TTLL3: variants seen among roughly 807,000 people sequenced by gnomAD.
TTLL3 encodes the protein tubulin tyrosine ligase like 3, also known as tubulin monoglycylase TTLL3.
Under a neutral mutation model 75.2 loss-of-function variants are expected in TTLL3, and 63 were observed. That is an observed-to-expected ratio of 0.84 (90% CI 0.68 to 1.03). The LOEUF is 1.03. TTLL3 is among the 50% of genes least tolerant of loss of function. The pLI is 0.00. For synonymous variants in TTLL3, 393 were observed against 418.5 expected, an observed-to-expected ratio of 0.94 and a Z score of 0.74; for missense variants, 997 against 1,069.9, an observed-to-expected ratio of 0.93 and a Z score of 0.95.
At position 9,812,918 on chromosome 3, in the gene TTLL3, G is replaced by A. The variant is rs1356201772; in HGVS notation, c.49-25G>A. ...TGGCACTTATGCAATACTTATTGAA[G>A]AAGTATCCTTCTCTCACATTGCAGC... On this transcript the variant is annotated intron_variant, in intron 2 of 13. Coordinates refer to ENST00000685419, the MANE Select transcript of TTLL3 (RefSeq NM_001387446.1). The A allele has an allele frequency of 2.0e-6, 3 of 1,478,252 alleles. No individual in the cohort carries two copies. In the South Asian group the frequency reaches 4.5e-5, roughly 22 times the overall value. 91.6% of individuals were successfully genotyped at this position (1,478,252 alleles called of 1,614,324 possible).
At position 9,822,122 on chromosome 3, in the gene TTLL3, G is replaced by A. The variant is rs192182547; in HGVS notation, c.854+1381G>A. ...GTTCTGTTGCCCAGGCTGGAGTGCAGTGACGTGATCTCGGCTCACTGCAAC... is the reference window on the plus strand; with the variant it reads ...GTTCTGTTGCCCAGGCTGGAGTGCAATGACGTGATCTCGGCTCACTGCAAC... On this transcript the variant is annotated intron_variant, in intron 8 of 13. Coordinates refer to ENST00000685419, the MANE Select transcript of TTLL3 (RefSeq NM_001387446.1). 1.9e-3 allele frequency among the ~76,000 whole-genome samples: 252 copies of A among 131,732 alleles called. 7 individuals carry two copies. The highest frequency in any genetic ancestry group is 0.014 in the East Asian group (54 of 3,772). The allele number at this position is 131,732 out of a possible 152,430, so 86.4% of individuals were successfully genotyped here. A position where few individuals can be genotyped will look rare whatever the true frequency, so the allele number is the denominator to read the frequency against.
intron 5 of TTLL3, among the ~76,000 whole-genome samples, chr3:9,817,162 C>T (rs917916100): frequency 1.2e-4 from 19 of 152,230 alleles, no homozygotes; most frequent in Middle Eastern, 6.8e-3. Context: ...CAGTGGCTCA[C>T]GCCTGTAATC....
intron 4 of TTLL3, among the ~76,000 whole-genome samples, chr3:9,814,454 G>A (rs952594127): frequency 3.9e-5 from 6 of 151,902 alleles, no homozygotes; most frequent in Admixed American, 1.3e-4. Context: ...AAGACCAACC[G>A]GGCCAACATG....
intron 7 of TTLL3, chr3:9,820,104 C>T (rs973051111): frequency 1.0e-6 from 1 of 1,000,564 alleles, no homozygotes. Context: ...AGGGTTGTAG[C>T]TCTGTATCAG....
In TTLL3 at chr3:9,813,229, C is replaced by A. The variant is rs11720113; in HGVS notation, c.218-19C>A. ...GTCAGGGAGAGGAAACTCATCAGCT[C>A]TGGGCTCTGCATCCACAGAGGATGA... is the stretch of plus-strand genomic sequence containing the variant. On this transcript the variant is annotated intron_variant, in intron 3 of 13. Coordinates refer to ENST00000685419, the MANE Select transcript of TTLL3 (RefSeq NM_001387446.1). 254,714 of 1,614,024 alleles carry A rather than the reference C, an allele frequency of 0.16. 21,623 individuals are homozygous for A. The highest frequency in any genetic ancestry group is 0.24 in the African/African-American group (17,872 of 75,002).
At chr3:9,816,025 C>T (rs2079824142) in intron 4 of TTLL3, 49 bp from the exon 5 acceptor site, 1 of 1,320,710 alleles carries the variant, frequency 7.6e-7, no homozygotes, top group Non-Finnish European at 1.0e-6. Context: ...GCCTTAGGCC[C>T]TGCTACCCAC....
intron 10 of TTLL3, 136 bp from the exon 11 acceptor site, chr3:9,828,824 C>T: frequency 8.8e-7 from 1 of 1,137,550 alleles, no homozygotes; most frequent in Non-Finnish European, 1.2e-6. Flanking sequence ...CCTTTTTGTC[C>T]TTCCCAGTAG....
rs569714836 is a variant in TTLL3, at chr3:9,835,371, A to G, written c.2330A>G (p.Asp777Gly). 1 of 1,614,080 alleles carries G rather than the reference A, an allele frequency of 6.2e-7. No individual in the cohort carries two copies. Among genetic ancestry groups the G allele is most frequent in the East Asian group, 2.2e-5 (1 of 44,882 alleles). ...CGATTCCCCACTGCCCTTGTCCTGG[A>G]TCCAACACCAAATAAAAAGAAACAA... is the stretch of plus-strand genomic sequence containing the variant. ...LLRFPTALVL[D>G]PTPNKKKQVK... Residue 777 changes from aspartate (D) to glycine (G), a missense_variant, in exon 14 of 14, where the codon GAT (aspartate) becomes GGT (glycine). By Grantham distance (94) the Asp-to-Gly change is moderately conservative (BLOSUM62 -1). Transcript: ENST00000685419.
At position 9,813,860 on chromosome 3, in the gene TTLL3, T is replaced by G. The variant is rs183964329; in HGVS notation, c.315+515T>G. 2.1e-3 allele frequency among the ~76,000 whole-genome samples: 315 copies of G among 152,234 alleles called. 7 individuals are homozygous for G. Among genetic ancestry groups the G allele is most frequent in the East Asian group, 0.014 (70 of 5,172 alleles). On this transcript the variant is annotated intron_variant, in intron 4 of 13. Coordinates refer to ENST00000685419, the MANE Select transcript of TTLL3 (RefSeq NM_001387446.1). ...GGACACAGCAGGGCTGTGTCCCATC[T>G]GGCCTGGGATTCAGAGCTCTGCTAG... is the stretch of plus-strand genomic sequence containing the variant.
chr3:9,814,762 A>C (rs1220550129), intron 4 of TTLL3, among the ~76,000 whole-genome samples: 1 of 151,874 alleles, frequency 6.6e-6, no homozygotes, highest in East Asian at 1.9e-4. Context: ...TGGAGGTTGT[A>C]GTGAGCTGAA....
chr3:9,834,987 G>A (rs1338684235), intron 13 of TTLL3, 80 bp downstream of exon 13: 24 of 1,606,628 alleles, frequency 1.5e-5, no homozygotes, highest in Admixed American at 3.4e-5. Context: ...GCAGAGGGCA[G>A]CTCCCAGGCT....
chr3:9,834,678 C>T lies in TTLL3; in HGVS notation c.1826-3C>T. The T allele has an allele frequency of 4.3e-6, 7 of 1,614,096 alleles. No homozygotes were observed. Among genetic ancestry groups the T allele is most frequent in the Non-Finnish European group, 5.9e-6 (7 of 1,180,014 alleles). On this transcript the variant is annotated splice_polypyrimidine_tract_variant and splice_region_variant and intron_variant, in intron 12 of 13. Transcript: ENST00000685419. ...GGCCTCACAGCTTCTCTTGCTCCCA[C>T]AGCCCGTCACCACTTCCCCAGCCTC...
chr3:9,826,710 G>A (rs1384960047), intron 9 of TTLL3, among the ~76,000 whole-genome samples: 1 of 144,690 alleles, frequency 6.9e-6, no homozygotes, highest in Non-Finnish European at 1.5e-5. Flanking sequence ...TCCAGCCTAG[G>A]TGACAGGGCT....
At position 9,834,926 on chromosome 3, in the gene TTLL3, C is replaced by T. The variant is rs1183325222; in HGVS notation, c.2052+19C>T. 1 of 1,614,108 alleles carries T rather than the reference C, an allele frequency of 6.2e-7. No homozygotes were observed. Among genetic ancestry groups the T allele is most frequent in the African/African-American group, 1.3e-5 (1 of 74,940 alleles). On this transcript the variant is annotated intron_variant, in intron 13 of 13. Transcript: ENST00000685419. Reference sequence around the variant, plus strand: ...AAGAAAGGTGGGCCTCGACCTGTGACTCACACCCAGTGGACAGTGCTGAGC... The same window carrying T: ...AAGAAAGGTGGGCCTCGACCTGTGATTCACACCCAGTGGACAGTGCTGAGC...
Position 9,817,703 on chromosome 3 carries a change from CCTTCTT to C in TTLL3, c.505_510del (p.Phe169_Phe170del). 2 of 1,614,176 alleles carry C rather than the reference CCTTCTT, an allele frequency of 1.2e-6. No individual in the cohort carries two copies. The highest frequency in any genetic ancestry group is 1.7e-6 in the Non-Finnish European group (2 of 1,180,038). ...TGGTTTGATGAGGTTGATGCCAACT[CCTTCTT>C]CCCACGCTGCTACTGCCTGGGGGCT... is the stretch of plus-strand genomic sequence containing the variant. On this transcript the variant is annotated inframe_deletion, in exon 6 of 14. Transcript: ENST00000685419.
chr3:9,809,889 G>A (rs1391435104), upstream of TTLL3: 14 of 665,710 alleles, frequency 2.1e-5, no homozygotes, highest in Non-Finnish European at 2.9e-5. Flanking sequence ...CAAACGGGGC[G>A]GGGCTTGGAA....
Position 9,818,821 on chromosome 3 carries a change from G to C in TTLL3, c.560-1G>C. ...CAGGGTATCCCCTGGCCTGGGAGCA[G>C]AGGACTTCTGGCTGACTGCTGCCCG... On this transcript the variant is annotated splice_acceptor_variant, in intron 6 of 13. Transcript: ENST00000685419. LOFTEE classifies it high-confidence loss of function. 1 of 1,614,138 alleles carries C rather than the reference G, an allele frequency of 6.2e-7. No individual in the cohort carries two copies. The highest frequency in any genetic ancestry group is 8.5e-7 in the Non-Finnish European group (1 of 1,180,032).
intron 7 of TTLL3, 175 bp from the exon 8 acceptor site, chr3:9,820,371 C>T (rs2080296503): frequency 2.0e-6 from 3 of 1,475,304 alleles, no homozygotes; most frequent in Non-Finnish European, 2.7e-6. Flanking sequence ...GCTAGAGTTG[C>T]AGTGAATTTA....
chr3:9,817,279 C>G (rs1399760510), intron 5 of TTLL3: 1 of 191,720 alleles, frequency 5.2e-6, no homozygotes, highest in East Asian at 1.9e-4. Context: ...AACAAATTAG[C>G]TGGATGTGGT....
Sources: gnomAD v4.1 joint callset for allele counts (sites outside exome capture counted in the v4.1 genomes callset) on GRCh38, gnomAD v4.1.1 for gene constraint, MANE v1.5 for transcripts, NCBI Gene and HGNC (gene_info 2026-07-23, HGNC 2026-07-21) for gene names.